The following HDAC5 variants were observed in gnomAD, a reference collection of about 807,000 sequenced individuals.
HDAC5 encodes antigen NY-CO-9.
In HDAC5, 25 loss-of-function variants were observed where a neutral mutation model predicts 133.3. The observed-to-expected ratio is 0.19, with a 90% CI of 0.14 to 0.26. The LOEUF (loss-of-function observed/expected upper bound fraction) is 0.26, where lower values mean the gene tolerates loss of function less well. Ranked by LOEUF, HDAC5 falls within the 10% of genes least tolerant of loss-of-function variation. The pLI is 1.00. For missense variants in HDAC5, 1,041 were observed against 1,460.5 expected (o/e 0.71, Z 4.68); for synonymous variants, 589 against 610.8 (o/e 0.96, Z 0.53).
intron 2 of HDAC5, among the ~76,000 whole-genome samples, chr17:44,114,437 T>TGGG (rs34078340): frequency 7.8e-6 from 1 of 127,938 alleles, no homozygotes; most frequent in African/African-American, 2.8e-5. Flanking sequence ...AGAGCAGGCG[T>TGGG]GGGGGGGGGG....
intron 2 of HDAC5, chr17:44,116,077 C>T (rs2052628437): frequency 6.6e-6 from 1 of 152,276 alleles, no homozygotes; most frequent in Non-Finnish European, 1.5e-5. Flanking sequence ...GGGAAAAATC[C>T]TTTCCAAGCC....
At chr17:44,080,957 A>G in intron 20 of HDAC5, 75 bp from the exon 21 acceptor site, 2 of 1,592,646 alleles carry the variant, frequency 1.3e-6, no homozygotes, top group Non-Finnish European at 1.7e-6. Context: ...CTGTCAGCTG[A>G]GCACTGTAGC....
chr17:44,098,727 C>G (rs1185321606), intron 3 of HDAC5, among the ~76,000 whole-genome samples: 1 of 118,454 alleles, frequency 8.4e-6, no homozygotes. Context: ...GGTGATAGAG[C>G]GAGACCCTAT....
intron 1 of HDAC5, among the ~76,000 whole-genome samples, chr17:44,121,465 G>A (rs187190187): frequency 1.1e-4 from 14 of 128,026 alleles, no homozygotes; most frequent in East Asian, 2.2e-4. Context: ...ACAGGAGTGC[G>A]TCCTCTAGCA....
chr17:44,086,962 G>A (rs887650190), intron 13 of HDAC5, among the ~76,000 whole-genome samples: 1 of 135,434 alleles, frequency 7.4e-6, no homozygotes, highest in African/African-American at 2.7e-5. Flanking sequence ...TAGCATTGAG[G>A]TAAGAGGCTG....
intron 3 of HDAC5, among the ~76,000 whole-genome samples, chr17:44,102,296 C>T (rs921920131): frequency 3.9e-5 from 6 of 152,358 alleles, no homozygotes; most frequent in South Asian, 2.1e-4. Context: ...GGATTAGCAA[C>T]GTTCCTACCC....
chr17:44,087,390 T>G (rs767689786), intron 13 of HDAC5, 22 bp downstream of exon 13: 1 of 796,696 alleles, frequency 1.3e-6, no homozygotes. Context: ...GACCAAGGAC[T>G]GGGACCAGGG....
intron 13 of HDAC5, among the ~76,000 whole-genome samples, chr17:44,087,065 C>G (rs1375994529): frequency 2.6e-5 from 4 of 151,612 alleles, no homozygotes; most frequent in Non-Finnish European, 4.4e-5. Context: ...CAGCTAGGCG[C>G]GAGGCAGACA....
At position 44,087,403 on chromosome 17, in the gene HDAC5, G is replaced by C. The variant is rs367557189; in HGVS notation, c.1884+9C>G. 2.9e-5 allele frequency: 25 copies of C among 867,492 alleles called. No individual in the cohort carries two copies. The highest frequency in any genetic ancestry group is 4.6e-5 in the Non-Finnish European group (23 of 504,794). 53.7% of individuals were successfully genotyped at this position (867,492 alleles called of 1,614,324 possible). Reference sequence around the variant, plus strand: ...GTGACCAAGGACTGGGACCAGGGACGGGGCTCACTTTTTTGTATCCAGCAC... The same window carrying C: ...GTGACCAAGGACTGGGACCAGGGACCGGGCTCACTTTTTTGTATCCAGCAC... On this transcript the variant is annotated intron_variant, in intron 13 of 26. Transcript: ENST00000682912.
chr17:44,084,862 G>T (rs976859489), intron 15 of HDAC5, among the ~76,000 whole-genome samples, 160 bp downstream of exon 15: 5 of 152,224 alleles, frequency 3.3e-5, no homozygotes, highest in Non-Finnish European at 7.3e-5. Context: ...GACCATGGGG[G>T]AAAACAGGCT....
intron 1 of HDAC5, chr17:44,120,711 C>T (rs1319444553): frequency 3.3e-5 from 5 of 151,166 alleles, no homozygotes; most frequent in Admixed American, 6.6e-5. Flanking sequence ...ATCGCACTCC[C>T]GCCTGGGCAA....
intron 12 of HDAC5, 109 bp from the exon 13 acceptor site, chr17:44,087,805 T>C: frequency 7.5e-7 from 1 of 1,333,618 alleles, no homozygotes; most frequent in South Asian, 2.0e-5. Flanking sequence ...AGGTAGAGCT[T>C]CTATGTGAAT....
chr17:44,082,356 G>A, intron 20 of HDAC5: 1 of 572,524 alleles, frequency 1.7e-6, no homozygotes, highest in African/African-American at 1.9e-5. Context: ...GGGCCAAGAT[G>A]GAACAGGAGC....
chr17:44,091,207 A>T, intron 11 of HDAC5, 63 bp downstream of exon 11: 1 of 1,207,486 alleles, frequency 8.3e-7, no homozygotes, highest in Non-Finnish European at 1.2e-6. Flanking sequence ...AGGGTTGGAG[A>T]GTATCCCTGA....
At position 44,091,261 on chromosome 17, in the gene HDAC5, T is replaced by C. The variant is rs1344204651; in HGVS notation, c.1387+9A>G. ...GCCCCCTCCCTTGCACAGCTACCTG[T>C]CCACTCACCAGCAATGAGGGTGCTC... On this transcript the variant is annotated intron_variant, in intron 11 of 26. Coordinates refer to ENST00000682912, the MANE Select transcript of HDAC5 (RefSeq NM_005474.5). The C allele has an allele frequency of 1.9e-6, 3 of 1,604,824 alleles. No individual in the cohort carries two copies. Among genetic ancestry groups the C allele is most frequent in the Non-Finnish European group, 1.7e-6 (2 of 1,175,502 alleles).
At chr17:44,111,235 C>T (rs1270357228) in intron 2 of HDAC5, 2 of 289,090 alleles carry the variant, frequency 6.9e-6, no homozygotes, top group South Asian at 3.3e-5. Flanking sequence ...CCCGAATGAG[C>T]CGCCGCCGGC....
At position 44,093,838 on chromosome 17, in the gene HDAC5, T is replaced by C. The variant is rs454192; in HGVS notation, c.95-4A>G. The C allele has an allele frequency of 0.79, 1,176,509 of 1,487,414 alleles. 467,037 individuals carry two copies. The highest frequency in any genetic ancestry group is 0.92 in the East Asian group (39,366 of 42,960). 92.1% of individuals were successfully genotyped at this position (1,487,414 alleles called of 1,614,324 possible). ...GGCAGCACCGGCTTCACCTCCACTGTGGGCAGAAGAGACAGGAAGGAGTTA... is the reference window on the plus strand; with the variant it reads ...GGCAGCACCGGCTTCACCTCCACTGCGGGCAGAAGAGACAGGAAGGAGTTA... On this transcript the variant is annotated splice_region_variant and splice_polypyrimidine_tract_variant and intron_variant, in intron 3 of 26. Coordinates refer to ENST00000682912, the MANE Select transcript of HDAC5 (RefSeq NM_005474.5).
At chr17:44,109,410 C>T (rs1598019376) in intron 3 of HDAC5, among the ~76,000 whole-genome samples, 1 of 152,262 alleles carries the variant, frequency 6.6e-6, no homozygotes, top group Admixed American at 6.5e-5. Flanking sequence ...CAGGGGACTA[C>T]GTGGGTATCT....
At position 44,085,007 on chromosome 17, in the gene HDAC5, G is replaced by GA; in HGVS notation, c.2184+14dup. The GA allele has an allele frequency of 3.2e-6, 5 of 1,574,692 alleles. No individual in the cohort carries two copies. The highest frequency in any genetic ancestry group is 4.3e-6 in the Non-Finnish European group (5 of 1,151,022). ...GATTTAAGTTGAGAGCCAGAAGAAG[G>GA]AGGGGCTCCCTTACCTCGCACTTGC... is the stretch of plus-strand genomic sequence containing the variant. On this transcript the variant is annotated intron_variant, in intron 15 of 26. Transcript: ENST00000682912.
Sources: gnomAD v4.1 joint callset for allele counts (sites outside exome capture counted in the v4.1 genomes callset) on GRCh38, gnomAD v4.1.1 for gene constraint, MANE v1.5 for transcripts, NCBI Gene and HGNC (gene_info 2026-07-23, HGNC 2026-07-21) for gene names.